Variants in SPOCK3 observed in about 807,000 individuals in gnomAD.
The protein encoded by SPOCK3 is testican-3.
Under a neutral mutation model 56.6 loss-of-function variants are expected in SPOCK3, and 30 were observed. The observed-to-expected ratio is 0.53, with a 90% confidence interval of 0.40 to 0.72. The LOEUF (loss-of-function observed/expected upper bound fraction) is 0.72, where lower values mean the gene tolerates loss of function less well. SPOCK3 is among the 30% of genes least tolerant of loss of function. SPOCK3 has a pLI of 0.00. For missense variants in SPOCK3, 527 were observed against 530.0 expected (o/e 0.99, Z 0.06); for synonymous variants, 196 against 183.3 (o/e 1.07, Z -0.56).
rs141458984 is a variant in SPOCK3, at chr4:166,876,308, T to C, written c.589+12822A>G. On this transcript the variant is annotated intron_variant, in intron 6 of 10. Transcript: ENST00000357545. The stretch of plus-strand genomic sequence containing the variant: ...ACCGCTGCGAATGTGACTGGTGTTT[T>C]CTTACAATTTGAGACTAAAGAATTT... Among the ~76,000 whole-genome samples the C allele has an allele frequency of 2.8e-3, 425 of 152,282 alleles. 1 individual carries two copies. The highest frequency in any genetic ancestry group is 9.9e-3 in the African/African-American group (410 of 41,556).
chr4:167,215,418 G>A (rs1390046047), intron 2 of SPOCK3, among the ~76,000 whole-genome samples: 4 of 152,010 alleles, frequency 2.6e-5, no homozygotes, highest in African/African-American at 2.4e-5. Context: ...AAAAAGACAG[G>A]TTGCATGTGA....
intron 6 of SPOCK3, among the ~76,000 whole-genome samples, chr4:166,840,547 T>TA (rs1252161357): frequency 6.6e-6 from 1 of 152,142 alleles, no homozygotes; most frequent in Non-Finnish European, 1.5e-5. Flanking sequence ...TTGGGTTTTC[T>TA]AGTTTGTCAG....
intron 2 of SPOCK3, among the ~76,000 whole-genome samples, chr4:167,215,517 G>T (rs932699711): frequency 2.6e-5 from 4 of 152,114 alleles, no homozygotes; most frequent in African/African-American, 7.2e-5. Flanking sequence ...CAGGACAAAG[G>T]CCGCCTTTTC....
At chr4:167,174,009 T>C (rs1730739091) in intron 2 of SPOCK3, among the ~76,000 whole-genome samples, 1 of 152,142 alleles carries the variant, frequency 6.6e-6, no homozygotes. Flanking sequence ...TCATTCCAAG[T>C]TAAGTTCTTT....
intron 2 of SPOCK3, among the ~76,000 whole-genome samples, chr4:167,156,156 A>C (rs2150427225): frequency 6.6e-6 from 1 of 152,294 alleles, no homozygotes; most frequent in Non-Finnish European, 1.5e-5. Context: ...TTTAACGCTA[A>C]GTCTTCACAA....
At chr4:166,942,476 AAAAAAAAAAACAAAAGTT>A (rs968141013) in intron 4 of SPOCK3, among the ~76,000 whole-genome samples, 1 of 151,162 alleles carries the variant, frequency 6.6e-6, no homozygotes, top group Non-Finnish European at 1.5e-5. Flanking sequence ...CCACTTAAAA[AAAAAAAAAAACAAAAGTT>A]AAAAAAAAAA....
chr4:167,011,003 CAAAG>C (rs1292240153), intron 3 of SPOCK3, among the ~76,000 whole-genome samples: 1 of 151,664 alleles, frequency 6.6e-6, no homozygotes, highest in Non-Finnish European at 1.5e-5. Context: ...ACAAATTACT[CAAAG>C]AAGAGCAAGA....
At chr4:166,837,984 T>C (rs1012917676) in intron 6 of SPOCK3, among the ~76,000 whole-genome samples, 5 of 152,212 alleles carry the variant, frequency 3.3e-5, no homozygotes, top group East Asian at 1.9e-4. Flanking sequence ...TCTCATGATA[T>C]ATATCGTGTT....
At chr4:166,860,064 C>T (rs994869162) in intron 6 of SPOCK3, among the ~76,000 whole-genome samples, 25 of 152,098 alleles carry the variant, frequency 1.6e-4, no homozygotes, top group African/African-American at 5.6e-4. Flanking sequence ...GCAAGTCACT[C>T]AACTATGCAG....
intron 6 of SPOCK3, among the ~76,000 whole-genome samples, chr4:166,844,620 C>G (rs1747859572): frequency 7.8e-6 from 1 of 127,628 alleles, no homozygotes; most frequent in South Asian, 3.0e-4. Flanking sequence ...TCTTGCCTGC[C>G]AGTGTCTGTC....
chr4:166,749,801 T>C (rs1736140897), intron 8 of SPOCK3, among the ~76,000 whole-genome samples: 1 of 152,112 alleles, frequency 6.6e-6, no homozygotes. Context: ...GAATTAGGAA[T>C]CATATTGTAT....
chr4:166,836,725 C>T (rs1746660367), intron 6 of SPOCK3, among the ~76,000 whole-genome samples: 1 of 151,672 alleles, frequency 6.6e-6, no homozygotes, highest in Admixed American at 6.6e-5. Context: ...CCTTTAGTAA[C>T]TCTCCTTTGA....
intron 2 of SPOCK3, among the ~76,000 whole-genome samples, chr4:167,080,717 C>T (rs1368093428): frequency 1.3e-5 from 2 of 151,832 alleles, no homozygotes; most frequent in Non-Finnish European, 2.9e-5. Context: ...CTACCTCTAC[C>T]TACCCGAGAT....
chr4:167,014,458 C>T (rs1033559316), intron 3 of SPOCK3, among the ~76,000 whole-genome samples: 1 of 151,860 alleles, frequency 6.6e-6, no homozygotes, highest in South Asian at 2.1e-4. Context: ...CTAGCCTGGG[C>T]AACAAGGTGA....
At chr4:167,154,413 G>A (rs754796710) in intron 2 of SPOCK3, among the ~76,000 whole-genome samples, 1 of 152,080 alleles carries the variant, frequency 6.6e-6, no homozygotes, top group Non-Finnish European at 1.5e-5. Context: ...AATGAGTGTG[G>A]TCAGCAACCG....
At chr4:167,163,681 T>A (rs1765516738) in intron 2 of SPOCK3, among the ~76,000 whole-genome samples, 1 of 152,054 alleles carries the variant, frequency 6.6e-6, no homozygotes. Context: ...TAAGAACATG[T>A]GAAGCTTATC....
intron 4 of SPOCK3, among the ~76,000 whole-genome samples, chr4:166,955,935 C>T (rs557045171): frequency 2.6e-4 from 40 of 152,080 alleles, no homozygotes; most frequent in African/African-American, 8.9e-4. Context: ...ACCATCCTTC[C>T]TCTTTACAGT....
At chr4:167,222,397 G>T (rs1189713714) in intron 2 of SPOCK3, among the ~76,000 whole-genome samples, 1 of 151,044 alleles carries the variant, frequency 6.6e-6, no homozygotes, top group Non-Finnish European at 1.5e-5. Flanking sequence ...TGACACTACT[G>T]AATTATACAC....
At chr4:166,928,631 C>G (rs149844703) in intron 4 of SPOCK3, among the ~76,000 whole-genome samples, 1,981 of 152,148 alleles carry the variant, frequency 0.013, 25 homozygotes, top group Middle Eastern at 0.041. Flanking sequence ...TAAATTTGTC[C>G]AAACCCATAG....
Sources: allele counts gnomAD v4.1 joint callset (sites outside exome capture counted in the v4.1 genomes callset), GRCh38; gene constraint gnomAD v4.1.1; transcripts MANE v1.5; gene names NCBI Gene and HGNC (gene_info 2026-07-23, HGNC 2026-07-21).